VRK3: variants seen among roughly 807,000 people sequenced by gnomAD.
VRK3 encodes the protein serine/threonine-protein kinase VRK3.
VRK3 carries 50 observed loss-of-function variants against 60.4 expected under a neutral mutation model. The observed-to-expected ratio is 0.83, with a 90% CI of 0.66 to 1.05. The LOEUF (loss-of-function observed/expected upper bound fraction) is 1.05. Ranked by LOEUF, VRK3 falls within the 50% of genes least tolerant of loss-of-function variation. The pLI is 0.00. For synonymous variants in VRK3, 246 were observed against 227.8 expected, an observed-to-expected ratio of 1.08 and a Z score of -0.72; for missense variants, 549 against 585.3, an observed-to-expected ratio of 0.94 and a Z score of 0.64.
chr19:49,988,314 TCC>T, intron 12 of VRK3, 56 bp downstream of exon 12: 1 of 1,576,966 alleles, frequency 6.3e-7, no homozygotes, highest in African/African-American at 1.4e-5. Flanking sequence ...TGGGCTTCTG[TCC>T]ACCTGCAGGG....
At chr19:50,012,907 C>A (rs550072188) in intron 3 of VRK3, among the ~76,000 whole-genome samples, 1 of 151,572 alleles carries the variant, frequency 6.6e-6, no homozygotes, top group Non-Finnish European at 1.5e-5. Flanking sequence ...GTGGCTCACA[C>A]CTATAATCCC....
At position 49,980,987 on chromosome 19, in the gene VRK3, A is replaced by G. The variant is rs377301181; in HGVS notation, c.1244T>C (p.Val415Ala). The G allele has an allele frequency of 6.2e-7, 1 of 1,612,548 alleles. No homozygotes were observed. Among genetic ancestry groups the G allele is most frequent in the African/African-American group, 1.3e-5 (1 of 75,026 alleles). ...QKFVDKPGPF[V>A]GPCGHWIRPS... ...CCTGATCCAGTGACCGCAGGGTCCC[A>G]CGAAGGGCCCCGGCTTATCAACAAA... is the stretch of plus-strand genomic sequence containing the variant. Residue 415 changes from valine (V) to alanine (A), a missense_variant, in exon 13 of 15, where the codon GTG (valine) becomes GCG (alanine). Val to Ala is a moderately conservative substitution (Grantham distance 64, BLOSUM62 0). Coordinates refer to ENST00000316763, the MANE Select transcript of VRK3 (RefSeq NM_016440.4).
intron 7 of VRK3, among the ~76,000 whole-genome samples, chr19:49,996,339 G>A (rs1335783315): frequency 6.6e-6 from 1 of 152,060 alleles, no homozygotes; most frequent in Non-Finnish European, 1.5e-5. Flanking sequence ...TTACAGGCAT[G>A]AGCCACCGCG....
chr19:50,002,329 G>A lies in VRK3; in HGVS notation c.548-1475C>T, dbSNP rs138257534. 3.3e-3 allele frequency among the ~76,000 whole-genome samples: 502 copies of A among 152,214 alleles called. 3 individuals are homozygous for A. The highest frequency in any genetic ancestry group is 4.6e-3 in the Admixed American group (71 of 15,282). On this transcript the variant is annotated intron_variant, in intron 5 of 14. Coordinates refer to ENST00000316763, the MANE Select transcript of VRK3 (RefSeq NM_016440.4). ...CAGCTCTACACGTTCAAGGCCAAGGGTGCTCTGAGCCCAGGGGAAGAGAGG... is the reference window on the plus strand; with the variant it reads ...CAGCTCTACACGTTCAAGGCCAAGGATGCTCTGAGCCCAGGGGAAGAGAGG...
At chr19:49,988,681 TCTCA>T (rs1359838531) in intron 11 of VRK3, among the ~76,000 whole-genome samples, 189 bp from the exon 12 acceptor site, 1 of 152,088 alleles carries the variant, frequency 6.6e-6, no homozygotes, top group African/African-American at 2.4e-5. Flanking sequence ...TCATTCTCTC[TCTCA>T]CTCAACCATT....
intron 2 of VRK3, chr19:50,019,268 T>C (rs1051229017): frequency 6.6e-6 from 1 of 150,438 alleles, no homozygotes; most frequent in Non-Finnish European, 1.5e-5. Flanking sequence ...AGTCGCGCGA[T>C]CTCGGCTCAC....
intron 2 of VRK3, among the ~76,000 whole-genome samples, chr19:50,018,676 C>T (rs1281536236): frequency 6.6e-6 from 1 of 152,148 alleles, no homozygotes; most frequent in African/African-American, 2.4e-5. Context: ...ATTTGTTGTC[C>T]TGCTAATAAT....
intron 7 of VRK3, 146 bp from the exon 8 acceptor site, chr19:49,995,421 G>A (rs2076685416): frequency 2.9e-6 from 2 of 681,284 alleles, no homozygotes; most frequent in South Asian, 1.7e-5. Context: ...GTGGGTGATG[G>A]TGGGAAGGGG....
At chr19:49,980,657 C>T (rs145886416) in intron 13 of VRK3, among the ~76,000 whole-genome samples, 117 of 151,892 alleles carry the variant, frequency 7.7e-4, no homozygotes, top group African/African-American at 2.7e-3. Flanking sequence ...GCGGAGACTG[C>T]AGTAAGCTGA....
intron 5 of VRK3, among the ~76,000 whole-genome samples, chr19:50,002,939 T>C (rs866737258): frequency 4.6e-5 from 7 of 152,336 alleles, no homozygotes; most frequent in African/African-American, 1.7e-4. Flanking sequence ...GGAGCACTGT[T>C]CTGGGACCCA....
rs1160387673 is a variant in VRK3 at position 49,988,584 on chromosome 19, C to T, written c.1097-92G>A. On this transcript the variant is annotated intron_variant, in intron 11 of 14. Coordinates refer to ENST00000316763, the MANE Select transcript of VRK3 (RefSeq NM_016440.4). Reference sequence around the variant, plus strand: ...CCTTCCTTCCCCTCTCTCTCACTGACTCAACCACACACTCATACACCCAGC... The same window carrying T: ...CCTTCCTTCCCCTCTCTCTCACTGATTCAACCACACACTCATACACCCAGC... The T allele has an allele frequency of 6.0e-6, 9 of 1,499,890 alleles. No individual in the cohort carries two copies. In the African/African-American group the frequency reaches 8.3e-5, roughly 14 times the overall value. 92.9% of individuals were successfully genotyped at this position (1,499,890 alleles called of 1,614,324 possible).
chr19:49,988,302 TCTGGG>T, intron 12 of VRK3, 65 bp downstream of exon 12: 1 of 1,559,736 alleles, frequency 6.4e-7, no homozygotes, highest in Non-Finnish European at 8.7e-7. Context: ...CCAGTTGGGC[TCTGGG>T]CTTCTGTCCA....
Position 50,016,171 on chromosome 19 carries a change from A to C in VRK3, c.-1-8T>G. ...GGACAGAAGGAGATCATGCTACAAA[A>C]CAGAATGAACAAACACAAAGTGAAA... On this transcript the variant is annotated splice_region_variant and splice_polypyrimidine_tract_variant and intron_variant, in intron 2 of 14. Coordinates refer to ENST00000316763, the MANE Select transcript of VRK3 (RefSeq NM_016440.4). 1 of 1,613,882 alleles carries C rather than the reference A, an allele frequency of 6.2e-7. No homozygotes were observed.
At chr19:49,992,376 C>T (rs1312261648) in intron 10 of VRK3, among the ~76,000 whole-genome samples, 2 of 152,174 alleles carry the variant, frequency 1.3e-5, no homozygotes, top group Non-Finnish European at 2.9e-5. Context: ...TGCACTCCAG[C>T]CTGGGCAACA....
intron 5 of VRK3, chr19:50,001,214 T>A (rs1474111803): frequency 1.0e-5 from 2 of 196,088 alleles, no homozygotes; most frequent in Non-Finnish European, 2.1e-5. Context: ...CCTGCTTTCC[T>A]CTGGGGAACC....
At chr19:49,981,135 G>A in intron 12 of VRK3, 122 bp from the exon 13 acceptor site, 2 of 923,288 alleles carry the variant, frequency 2.2e-6, no homozygotes, top group Non-Finnish European at 3.4e-6. Flanking sequence ...GCCATCCAGG[G>A]AAGTTATGTT....
At chr19:49,987,700 C>CTTGTTTTTT (rs2076540038) in intron 12 of VRK3, 1 of 112,874 alleles carries the variant, frequency 8.9e-6, no homozygotes, top group African/African-American at 3.7e-5. Flanking sequence ...ACACAATGAG[C>CTTGTTTTTT]TTTTTTTTTT....
chr19:50,017,798 T>C (rs2077102171), intron 2 of VRK3, among the ~76,000 whole-genome samples: 1 of 151,982 alleles, frequency 6.6e-6, no homozygotes, highest in Non-Finnish European at 1.5e-5. Context: ...GCTGGAACTA[T>C]AGGTATGTGC....
At chr19:50,016,310 T>TGCAATG (rs2077077553) in intron 2 of VRK3, 147 bp from the exon 3 acceptor site, 1 of 1,057,468 alleles carries the variant, frequency 9.5e-7, no homozygotes, top group East Asian at 2.6e-5. Flanking sequence ...TCTTAAAACA[T>TGCAATG]GCAATGGGAA....
Sources: allele counts gnomAD v4.1 joint callset (sites outside exome capture counted in the v4.1 genomes callset), GRCh38; gene constraint gnomAD v4.1.1; transcripts MANE v1.5; gene names NCBI Gene and HGNC (gene_info 2026-07-23, HGNC 2026-07-21).